The following INVS variants were observed in gnomAD, a reference collection of about 807,000 sequenced individuals.
INVS encodes the protein inversin, also known as inversion of embryo turning homolog.
INVS carries 86 observed loss-of-function variants against 108.8 expected under a neutral mutation model. That is an observed-to-expected ratio of 0.79 (90% CI 0.66 to 0.95). INVS has a LOEUF of 0.95. INVS is among the 40% of genes least tolerant of loss of function. The pLI is 0.00. For missense variants in INVS, 1,169 were observed against 1,297.4 expected (o/e 0.90, Z 1.52); for synonymous variants, 455 against 473.5 (o/e 0.96, Z 0.51).
At chr9:100,131,973 C>T (rs1535667) in intron 3 of INVS, 411,421 of 882,414 alleles carry the variant, frequency 0.47, 98,926 homozygotes, top group East Asian at 0.9. Flanking sequence ...ATTAGGTTTT[C>T]TTATTTTGCA....
At chr9:100,153,770 A>G (rs2118988882) in intron 3 of INVS, among the ~76,000 whole-genome samples, 1 of 152,322 alleles carries the variant, frequency 6.6e-6, no homozygotes, top group South Asian at 2.1e-4. Context: ...AAGCAGAAGG[A>G]CAAAAGAGGG....
intron 3 of INVS, among the ~76,000 whole-genome samples, chr9:100,194,158 G>C (rs946662045): frequency 6.6e-6 from 1 of 152,200 alleles, no homozygotes; most frequent in African/African-American, 2.4e-5. Flanking sequence ...TTTCCAAAGT[G>C]CTTGTACTAT....
chr9:100,211,963 G>A (rs972907851), intron 3 of INVS, among the ~76,000 whole-genome samples: 14 of 152,166 alleles, frequency 9.2e-5, no homozygotes, highest in African/African-American at 3.4e-4. Context: ...AGAAATTTTA[G>A]CAATAAAACA....
rs1239916005 is a variant in INVS, at chr9:100,297,768, G to A, written c.3017-168G>A. Among the ~76,000 whole-genome samples the A allele has an allele frequency of 2.0e-5, 3 of 152,152 alleles. No homozygotes were observed. In the East Asian group the frequency reaches 5.8e-4, roughly 29 times the overall value. On this transcript the variant is annotated intron_variant, in intron 15 of 16. Coordinates refer to ENST00000262457, the MANE Select transcript of INVS (RefSeq NM_014425.5). The stretch of plus-strand genomic sequence containing the variant: ...CAGCATGAACTTTAACATTCATTTA[G>A]CAAAATCTCAGGACTTTACCCTGGG...
intron 12 of INVS, among the ~76,000 whole-genome samples, chr9:100,277,270 C>T (rs779567339): frequency 7.2e-5 from 11 of 152,208 alleles, no homozygotes; most frequent in South Asian, 4.1e-4. Flanking sequence ...AAAAACTGCT[C>T]ATAACACTTC....
chr9:100,231,003 T>G (rs1418720185), intron 5 of INVS, among the ~76,000 whole-genome samples: 1 of 152,240 alleles, frequency 6.6e-6, no homozygotes, highest in African/African-American at 2.4e-5. Flanking sequence ...AGGATATATA[T>G]TTAACTGGTT....
chr9:100,145,705 G>C (rs1828585119), intron 3 of INVS, among the ~76,000 whole-genome samples: 1 of 152,100 alleles, frequency 6.6e-6, no homozygotes, highest in Admixed American at 6.5e-5. Context: ...CGTGTGGTCA[G>C]ACACCTCTGA....
At chr9:100,191,185 C>G (rs1334564590) in intron 3 of INVS, among the ~76,000 whole-genome samples, 2 of 152,036 alleles carry the variant, frequency 1.3e-5, no homozygotes, top group African/African-American at 4.8e-5. Context: ...AATGAATCTC[C>G]CAGGAGTTCT....
rs557542255 is a variant in INVS at position 100,302,091 on chromosome 9, A to G, written c.*1417A>G. 1.9e-5 allele frequency: 13 copies of G among 700,732 alleles called. No individual in the cohort carries two copies. The highest frequency in any genetic ancestry group is 1.7e-4 in the South Asian group (5 of 29,816). 43.4% of individuals were successfully genotyped at this position (700,732 alleles called of 1,614,324 possible). On this transcript the variant is annotated 3_prime_UTR_variant, in exon 17 of 17. Coordinates refer to ENST00000262457, the MANE Select transcript of INVS (RefSeq NM_014425.5). ...GAAAGAAGGTTCGTAAACTTCTTTAAAAGTTCAGCTTTAATGACAAAGATC... is the reference window on the plus strand; with the variant it reads ...GAAAGAAGGTTCGTAAACTTCTTTAGAAGTTCAGCTTTAATGACAAAGATC...
chr9:100,175,218 C>A lies in INVS; in HGVS notation c.273+48669C>A. ...GCTTGTCCCCAAAACCTGCCTTGCT[C>A]TGAAGCATCCAACTGTAAAGACTCT... On this transcript the variant is annotated intron_variant, in intron 3 of 16. Transcript: ENST00000262457. 5.3e-6 allele frequency: 3 copies of A among 571,066 alleles called. No individual in the cohort carries two copies. The South Asian group carries it at 5.4e-5, about 10-fold the overall frequency. The allele number at this position is 571,066 out of a possible 1,614,324, so 35.4% of individuals were successfully genotyped here. A position where few individuals can be genotyped will look rare whatever the true frequency, so the allele number is the denominator to read the frequency against.
intron 5 of INVS, among the ~76,000 whole-genome samples, chr9:100,232,246 TATTA>T (rs1831536310): frequency 6.6e-6 from 1 of 152,176 alleles, no homozygotes; most frequent in Admixed American, 6.5e-5. Flanking sequence ...AGATTCTGGA[TATTA>T]GCCCTTTGTC....
chr9:100,273,191 G>C, intron 12 of INVS, 115 bp downstream of exon 12: 1 of 787,182 alleles, frequency 1.3e-6, no homozygotes, highest in Non-Finnish European at 2.2e-6. Flanking sequence ...CTGAATTACT[G>C]TTGGTCCCTG....
intron 3 of INVS, among the ~76,000 whole-genome samples, chr9:100,183,237 A>ACGTTC (rs1455205222): frequency 1.3e-5 from 2 of 152,188 alleles, no homozygotes; most frequent in African/African-American, 4.8e-5. Context: ...ACCAACCTGC[A>ACGTTC]CGTTCTGCAC....
At chr9:100,216,447 A>G (rs1171451750) in intron 3 of INVS, among the ~76,000 whole-genome samples, 2 of 152,200 alleles carry the variant, frequency 1.3e-5, no homozygotes, top group South Asian at 2.1e-4. Context: ...TTAAGGGACC[A>G]TTAAGCCAGC....
rs186980853 is a variant in INVS, at chr9:100,264,427, G to C, written c.1465-395G>C. Among the ~76,000 whole-genome samples the C allele has an allele frequency of 3.9e-3, 592 of 152,176 alleles. 1 individual carries two copies. The highest frequency in any genetic ancestry group is 6.9e-3 in the Non-Finnish European group (471 of 68,004). On this transcript the variant is annotated intron_variant, in intron 10 of 16. Transcript: ENST00000262457. Reference sequence around the variant, plus strand: ...GAGGTCAGGAGTTTGAGACCAGCCTGGTTAACATGACAAAACCCTGTCTCT... The same window carrying C: ...GAGGTCAGGAGTTTGAGACCAGCCTCGTTAACATGACAAAACCCTGTCTCT...
intron 3 of INVS, among the ~76,000 whole-genome samples, chr9:100,183,250 G>C (rs185373236): frequency 2.2e-4 from 34 of 152,102 alleles, no homozygotes; most frequent in Non-Finnish European, 4.4e-5. Context: ...TTCTGCACAT[G>C]TATCTCAAAA....
intron 5 of INVS, among the ~76,000 whole-genome samples, chr9:100,230,448 G>A (rs796987429): frequency 2.0e-5 from 3 of 151,932 alleles, no homozygotes; most frequent in African/African-American, 7.3e-5. Context: ...TATATTGCAT[G>A]TTTTTGTTTT....
At chr9:100,157,544 C>T (rs1370781294) in intron 3 of INVS, among the ~76,000 whole-genome samples, 1 of 151,964 alleles carries the variant, frequency 6.6e-6, no homozygotes, top group Non-Finnish European at 1.5e-5. Context: ...GGGATTACAG[C>T]GTGAGCCACC....
At position 100,242,695 on chromosome 9, in the gene INVS, C is replaced by T. The variant is rs753840094; in HGVS notation, c.906+16C>T. 3 of 1,372,900 alleles carry T rather than the reference C, an allele frequency of 2.2e-6. No homozygotes were observed. The highest frequency in any genetic ancestry group is 3.1e-6 in the Non-Finnish European group (3 of 960,288). The allele number at this position is 1,372,900 out of a possible 1,614,324, so 85.0% of individuals were successfully genotyped here. ...TAACTTTGCTGTAAGTAAAACAAGA[C>T]AATGCTCTTTTTTCTTAGTGAAAAT... is the stretch of plus-strand genomic sequence containing the variant. On this transcript the variant is annotated intron_variant, in intron 7 of 16. Coordinates refer to ENST00000262457, the MANE Select transcript of INVS (RefSeq NM_014425.5).
Sources: allele counts gnomAD v4.1 joint callset (sites outside exome capture counted in the v4.1 genomes callset), GRCh38; gene constraint gnomAD v4.1.1; transcripts MANE v1.5; gene names NCBI Gene and HGNC (gene_info 2026-07-23, HGNC 2026-07-21).